Variants in THBS4 observed in about 807,000 individuals in gnomAD.
THBS4 encodes the protein thrombospondin-4.
In THBS4, 90 loss-of-function variants were observed where a neutral mutation model predicts 115.7. The observed-to-expected ratio is 0.78, with a 90% CI of 0.66 to 0.93. The LOEUF is 0.93. Among genes scored for constraint, THBS4 ranks in the 40% least tolerant of loss-of-function variants. THBS4 has a pLI of 0.00. For synonymous variants in THBS4, 460 were observed against 479.3 expected (o/e 0.96, Z 0.53); for missense variants, 1,087 against 1,232.7 (o/e 0.88, Z 1.77).
At chr5:80,067,389 G>A (rs1418887109) in intron 9 of THBS4, 1 of 151,520 alleles carries the variant, frequency 6.6e-6, no homozygotes, top group African/African-American at 2.4e-5. Context: ...TGTGCAGTGT[G>A]ATAATATATA....
intron 3 of THBS4, among the ~76,000 whole-genome samples, chr5:80,057,043 C>T (rs1039813652): frequency 2.0e-5 from 3 of 151,988 alleles, no homozygotes; most frequent in Non-Finnish European, 4.4e-5. Flanking sequence ...AGCTAAAATC[C>T]GAGGTTTTTG....
intron 2 of THBS4, among the ~76,000 whole-genome samples, chr5:80,010,923 G>C (rs1019154768): frequency 6.6e-6 from 1 of 152,346 alleles, no homozygotes; most frequent in African/African-American, 2.4e-5. Context: ...CAGTTGGACA[G>C]ATGGCAGCAC....
intron 9 of THBS4, among the ~76,000 whole-genome samples, chr5:80,066,074 G>A (rs1384110921): frequency 3.1e-5 from 4 of 130,608 alleles, no homozygotes; most frequent in African/African-American, 8.9e-5. Flanking sequence ...CAGCCTGGGC[G>A]ACAGAGCAAG....
chr5:80,059,440 G>C lies in THBS4; in HGVS notation c.733G>C (p.Val245Leu). The change falls in exon 6 of 22, where the codon GTT becomes CTT. Residue 245 changes from valine (V) to leucine (L), a missense_variant and splice_region_variant. By Grantham distance (32) the Val-to-Leu change is conservative. Coordinates refer to ENST00000350881, the MANE Select transcript of THBS4 (RefSeq NM_003248.6). ...TTTTTTCCCCTTCTCATTTTTAAAG[G>C]TTAAGGAAACATCATTTTTGCGAAA... ...GEVKDLLRQQVKETSFLRNTI... is the reference protein window; with the variant it reads ...GEVKDLLRQQLKETSFLRNTI... 6.2e-7 allele frequency: 1 copy of C among 1,613,798 alleles called. No homozygotes were observed. Among genetic ancestry groups the C allele is most frequent in the Non-Finnish European group, 8.5e-7 (1 of 1,179,980 alleles).
intron 2 of THBS4, among the ~76,000 whole-genome samples, chr5:79,998,853 G>A (rs1047507730): frequency 6.6e-6 from 1 of 152,150 alleles, no homozygotes; most frequent in African/African-American, 2.4e-5. Context: ...TTTGTATTTC[G>A]GACATCTTTT....
Position 80,036,299 on chromosome 5 carries a change from A to G in THBS4, c.88+674A>G, listed in dbSNP as rs546975855. On this transcript the variant is annotated intron_variant, in intron 1 of 21. Transcript: ENST00000350881. ...AGGCAGGAACAGAAAAGCAAATACC[A>G]TGTTCTCACAAGCGGGAGCTAAGCA... The G allele has an allele frequency of 1.1e-4, 72 of 662,442 alleles. No individual in the cohort carries two copies. The South Asian group carries it at 4.1e-3, about 38-fold the overall frequency. The allele number at this position is 662,442 out of a possible 1,614,324, so 41.0% of individuals were successfully genotyped here. A position where few individuals can be genotyped will look rare whatever the true frequency, so the allele number is the denominator to read the frequency against.
intron 1 of THBS4, among the ~76,000 whole-genome samples, chr5:79,991,679 A>G (rs566883465): frequency 6.6e-6 from 1 of 152,262 alleles, no homozygotes; most frequent in South Asian, 2.1e-4. Context: ...TCCAGCCTCA[A>G]CCTGTTCTCA....
Position 80,068,002 on chromosome 5 carries a change from G to C in THBS4, c.1224G>C (p.Pro408=), listed in dbSNP as rs548126974. Residue 408 remains proline, a synonymous_variant, in exon 10 of 22, where the codon CCG becomes CCC. Transcript: ENST00000350881. ...CTTACCGCTGTGGGCCTTGTAAGCCGGGGTATACTGGTGATCAGATAAGGG... is the reference window on the plus strand; with the variant it reads ...CTTACCGCTGTGGGCCTTGTAAGCCCGGGTATACTGGTGATCAGATAAGGG... ...LGSYRCGPCK[P]GYTGDQIRGC... The C allele has an allele frequency of 6.2e-7, 1 of 1,613,990 alleles. No homozygotes were observed.
chr5:80,006,407 C>T (rs1832020464), intron 2 of THBS4, among the ~76,000 whole-genome samples: 1 of 152,192 alleles, frequency 6.6e-6, no homozygotes, highest in South Asian at 2.1e-4. Flanking sequence ...TCTCTCTTTG[C>T]CTGCTGCCAT....
intron 2 of THBS4, among the ~76,000 whole-genome samples, chr5:80,004,215 T>A (rs1831969035): frequency 6.6e-6 from 1 of 152,216 alleles, no homozygotes; most frequent in South Asian, 2.1e-4. Context: ...GGTTTTGGTT[T>A]TCTCCTGCAA....
intron 2 of THBS4, among the ~76,000 whole-genome samples, chr5:80,044,744 T>A (rs926421392): frequency 6.7e-6 from 1 of 149,744 alleles, no homozygotes; most frequent in African/African-American, 2.5e-5. Flanking sequence ...TTTTTTTTTT[T>A]AATGAATAAA....
chr5:80,067,200 T>G (rs1224113996), intron 9 of THBS4: 1 of 152,088 alleles, frequency 6.6e-6, no homozygotes, highest in Non-Finnish European at 1.5e-5. Flanking sequence ...GGTAACTATG[T>G]CAGTTGATGG....
chr5:80,059,648 C>T (rs401302), intron 6 of THBS4, 55 bp from the exon 7 acceptor site: 324,577 of 1,603,506 alleles, frequency 0.2, 35,631 homozygotes, highest in African/African-American at 0.4. Flanking sequence ...TTTGTTTTGC[C>T]TTCTGTATAT....
chr5:80,043,244 T>C (rs1832960964), intron 2 of THBS4, among the ~76,000 whole-genome samples: 1 of 152,078 alleles, frequency 6.6e-6, no homozygotes, highest in Admixed American at 6.6e-5. Context: ...CCAGCACTGG[T>C]GAATATAAAA....
At chr5:79,996,097 A>G (rs1369622796) in intron 1 of THBS4, among the ~76,000 whole-genome samples, 2 of 152,126 alleles carry the variant, frequency 1.3e-5, no homozygotes, top group Non-Finnish European at 1.5e-5. Flanking sequence ...AGATCGTACC[A>G]CTGCACTCCA....
Position 80,035,756 on chromosome 5 carries a change from A to T in THBS4, c.88+131A>T. ...CCCCTCTCTGTCCCTCCCGGGCCCA[A>T]TCAAAGCATATTGTGATTGGAGGTA... On this transcript the variant is annotated intron_variant, in intron 1 of 21. Coordinates refer to ENST00000350881, the MANE Select transcript of THBS4 (RefSeq NM_003248.6). This position sits in a 1 kb window ranked among gnomAD's most constrained non-coding sequence, Gnocchi z 4.6. The T allele has an allele frequency of 1.6e-6, 1 of 641,694 alleles. No individual in the cohort carries two copies. Among genetic ancestry groups the T allele is most frequent in the Non-Finnish European group, 2.2e-6 (1 of 447,346 alleles). The allele number at this position is 641,694 out of a possible 1,614,324, so 39.8% of individuals were successfully genotyped here.
At position 80,070,393 on chromosome 5, in the gene THBS4, G is replaced by A; in HGVS notation, c.1435G>A (p.Ala479Thr). ...CCCCGACGAAGAACTGCCATGCTCT[G>A]CCAGGAACTGTAAAAAGGTAAGGGG... ...SYPDEELPCS[A>T]RNCKKDNCKY... The change falls in exon 11 of 22, where the codon GCC becomes ACC. Residue 479 changes from alanine (A) to threonine (T), a missense_variant. Transcript: ENST00000350881. 1 of 1,614,056 alleles carries A rather than the reference G, an allele frequency of 6.2e-7. No individual in the cohort carries two copies. Among genetic ancestry groups the A allele is most frequent in the Non-Finnish European group, 8.5e-7 (1 of 1,179,954 alleles).
chr5:80,009,732 T>C (rs1292706091), intron 2 of THBS4, among the ~76,000 whole-genome samples: 1 of 152,154 alleles, frequency 6.6e-6, no homozygotes, highest in Non-Finnish European at 1.5e-5. Context: ...TTAATTGACA[T>C]CTACAATTTT....
chr5:80,048,910 A>G (rs1235758575), intron 2 of THBS4, among the ~76,000 whole-genome samples: 1 of 152,230 alleles, frequency 6.6e-6, no homozygotes, highest in African/African-American at 2.4e-5. Context: ...CAATTTTTAA[A>G]TGTACAATTA....
Sources: gnomAD v4.1 joint callset for allele counts (sites outside exome capture counted in the v4.1 genomes callset) on GRCh38, gnomAD v4.1.1 for gene constraint, Gnocchi (gnomAD v3.1) non-coding constraint, MANE v1.5 for transcripts, NCBI Gene and HGNC (gene_info 2026-07-23, HGNC 2026-07-21) for gene names.